The following PARD3 variants were observed in gnomAD, a reference collection of about 807,000 sequenced individuals.
The protein encoded by PARD3 is par-3 family cell polarity regulator, also known as partitioning defective 3 homolog.
Under a neutral mutation model 155.4 loss-of-function variants are expected in PARD3, and 75 were observed. The ratio of observed to expected loss-of-function variants is 0.48; its 90% CI spans 0.40 to 0.58. The LOEUF (loss-of-function observed/expected upper bound fraction) is 0.58, where lower values mean the gene tolerates loss of function less well. PARD3 is among the 20% of genes least tolerant of loss of function. The pLI is 0.00. For missense variants in PARD3, 1,642 were observed against 1,721.7 expected (o/e 0.95, Z 0.82); for synonymous variants, 576 against 610.5 (o/e 0.94, Z 0.83).
intron 22 of PARD3, among the ~76,000 whole-genome samples, chr10:34,227,854 T>TATATATATATATATATATATATATATATA (rs1952683542): frequency 1.1e-4 from 3 of 26,502 alleles, no homozygotes; most frequent in African/African-American, 2.3e-4. Flanking sequence ...GGGAATTATT[T>TATATATATATATATATATATATATATATA]TTTATATATA....
chr10:34,687,108 A>G (rs922799613), intron 2 of PARD3, among the ~76,000 whole-genome samples: 1 of 152,166 alleles, frequency 6.6e-6, no homozygotes, highest in African/African-American at 2.4e-5. Context: ...AACTTTTTAC[A>G]TTAAAGCATG....
At chr10:34,785,162 G>A (rs971506941) in intron 1 of PARD3, among the ~76,000 whole-genome samples, 5 of 152,266 alleles carry the variant, frequency 3.3e-5, no homozygotes, top group African/African-American at 1.2e-4. Context: ...ATGCAGGAAT[G>A]TCATTAATCT....
At position 34,550,963 on chromosome 10, in the gene PARD3, C is replaced by T. The variant is rs187802959; in HGVS notation, c.223-33804G>A. Among the ~76,000 whole-genome samples, 20 of 152,286 alleles carry T rather than the reference C, an allele frequency of 1.3e-4. 1 individual carries two copies. The East Asian group carries it at 1.5e-3, about 12-fold the overall frequency. ...CAAGCACGAGCAAGAACTCCACTTA[C>T]GCAGGTCATTTTAATGCCATAAGTA... On this transcript the variant is annotated intron_variant, in intron 2 of 24. Coordinates refer to ENST00000374788, the MANE Select transcript of PARD3 (RefSeq NM_001184785.2).
intron 1 of PARD3, among the ~76,000 whole-genome samples, chr10:34,795,971 T>A (rs965062383): frequency 1.3e-5 from 2 of 152,152 alleles, no homozygotes; most frequent in Admixed American, 6.6e-5. Context: ...GTGGGATGAA[T>A]TGACACATAG....
At chr10:34,745,555 T>C (rs1240528452) in intron 1 of PARD3, among the ~76,000 whole-genome samples, 1 of 152,094 alleles carries the variant, frequency 6.6e-6, no homozygotes, top group Non-Finnish European at 1.5e-5. Flanking sequence ...GATAAGAATC[T>C]AAGCCTCCCA....
At chr10:34,773,935 AC>A (rs1380583966) in intron 1 of PARD3, among the ~76,000 whole-genome samples, 2 of 152,180 alleles carry the variant, frequency 1.3e-5, no homozygotes, top group Non-Finnish European at 2.9e-5. Flanking sequence ...TCAGAAGTAA[AC>A]CAACATTATC....
chr10:34,219,260 C>CT (rs1952158242), intron 22 of PARD3, among the ~76,000 whole-genome samples: 1 of 152,092 alleles, frequency 6.6e-6, no homozygotes, highest in South Asian at 2.1e-4. Flanking sequence ...GCAGAGGGGC[C>CT]TGGCAGTAGG....
chr10:34,555,029 T>C (rs1392827090), intron 2 of PARD3, among the ~76,000 whole-genome samples: 1 of 152,210 alleles, frequency 6.6e-6, no homozygotes. Flanking sequence ...CTATATTGTC[T>C]GATACTGTAA....
At chr10:34,620,769 TCAC>T (rs1355066044) in intron 2 of PARD3, among the ~76,000 whole-genome samples, 2 of 152,122 alleles carry the variant, frequency 1.3e-5, no homozygotes, top group Non-Finnish European at 2.9e-5. Flanking sequence ...AAAAGTTGAA[TCAC>T]TAACAATGAA....
intron 11 of PARD3, among the ~76,000 whole-genome samples, chr10:34,373,526 G>T (rs1193770584): frequency 2.1e-5 from 3 of 142,922 alleles, no homozygotes; most frequent in Non-Finnish European, 3.1e-5. Context: ...AAAGCTAGTT[G>T]TTTTTTTTTT....
At chr10:34,542,202 G>T (rs905949192) in intron 2 of PARD3, among the ~76,000 whole-genome samples, 24 of 65,760 alleles carry the variant, frequency 3.6e-4, no homozygotes, top group African/African-American at 1.3e-3. Flanking sequence ...GGTTGTTTGG[G>T]GTGTGTGTGT....
At chr10:34,608,467 C>T (rs778215373) in intron 2 of PARD3, among the ~76,000 whole-genome samples, 1 of 151,780 alleles carries the variant, frequency 6.6e-6, no homozygotes, top group Non-Finnish European at 1.5e-5. Flanking sequence ...ATGCATTCTG[C>T]ATCTATGAAT....
intron 2 of PARD3, among the ~76,000 whole-genome samples, chr10:34,655,047 A>G (rs1381517885): frequency 6.6e-6 from 1 of 151,046 alleles, no homozygotes; most frequent in Admixed American, 6.6e-5. Flanking sequence ...CACGTCAACA[A>G]CTTTTACAGT....
chr10:34,597,884 T>G (rs2089437962), intron 2 of PARD3, among the ~76,000 whole-genome samples: 1 of 152,192 alleles, frequency 6.6e-6, no homozygotes, highest in African/African-American at 2.4e-5. Flanking sequence ...TATCTGCTGT[T>G]GAAAGAAAAG....
chr10:34,304,076 G>A (rs568122361), intron 20 of PARD3, among the ~76,000 whole-genome samples: 5 of 152,200 alleles, frequency 3.3e-5, no homozygotes, highest in South Asian at 2.1e-4. Context: ...TTTTAAAATC[G>A]TCCTCGTTTG....
intron 1 of PARD3, among the ~76,000 whole-genome samples, chr10:34,765,559 T>C (rs1485993000): frequency 6.6e-6 from 1 of 151,752 alleles, no homozygotes; most frequent in African/African-American, 2.4e-5. Flanking sequence ...ATACCTGTCA[T>C]CCCAGCTACT....
intron 22 of PARD3, among the ~76,000 whole-genome samples, chr10:34,133,841 T>A (rs1403574964): frequency 6.6e-6 from 1 of 152,224 alleles, no homozygotes; most frequent in Non-Finnish European, 1.5e-5. Flanking sequence ...TTTCATCATT[T>A]AACATATTGG....
At chr10:34,798,456 GCA>G (rs1431394093) in intron 1 of PARD3, among the ~76,000 whole-genome samples, 1 of 151,958 alleles carries the variant, frequency 6.6e-6, no homozygotes, top group Non-Finnish European at 1.5e-5. Context: ...TGTAATTCCA[GCA>G]CTTTGGGAGG....
At chr10:34,685,187 ATAAC>A (rs1050941988) in intron 2 of PARD3, among the ~76,000 whole-genome samples, 3 of 152,214 alleles carry the variant, frequency 2.0e-5, no homozygotes, top group Non-Finnish European at 2.9e-5. Flanking sequence ...GTATTTATGA[ATAAC>A]TAAATTATTC....
Sources: allele counts gnomAD v4.1 joint callset (sites outside exome capture counted in the v4.1 genomes callset), GRCh38; gene constraint gnomAD v4.1.1; transcripts MANE v1.5; gene names NCBI Gene and HGNC (gene_info 2026-07-23, HGNC 2026-07-21).